DAB1: variants seen among roughly 807,000 people sequenced by gnomAD.
The protein encoded by DAB1 is disabled homolog 1.
Under a neutral mutation model 64.6 loss-of-function variants are expected in DAB1, and 15 were observed. The ratio of observed to expected loss-of-function variants is 0.23; its 90% CI spans 0.16 to 0.36. DAB1 has a LOEUF of 0.36. Among genes scored for constraint, DAB1 ranks in the 10% least tolerant of loss-of-function variants. DAB1 has a pLI of 1.00. For missense variants in DAB1, 596 were observed against 706.7 expected (o/e 0.84, Z 1.78); for synonymous variants, 235 against 251.9 (o/e 0.93, Z 0.64).
intron 4 of DAB1, among the ~76,000 whole-genome samples, chr1:58,202,847 T>C (rs1658074266): frequency 6.6e-6 from 1 of 152,210 alleles, no homozygotes; most frequent in Admixed American, 6.5e-5. Flanking sequence ...AGGTAGGTTA[T>C]GTCTCTGTGA....
At chr1:58,124,100 G>T (rs187983929) in intron 5 of DAB1, among the ~76,000 whole-genome samples, 4 of 151,992 alleles carry the variant, frequency 2.6e-5, no homozygotes, top group African/African-American at 9.7e-5. Flanking sequence ...GTATGTGTGC[G>T]TGCATGTTTA....
chr1:57,354,850 A>G (rs1678931709), intron 1 of DAB1, among the ~76,000 whole-genome samples: 1 of 152,138 alleles, frequency 6.6e-6, no homozygotes, highest in Admixed American at 6.5e-5. Context: ...AAGGACTGCA[A>G]GCTGTGATTA....
intron 4 of DAB1, among the ~76,000 whole-genome samples, chr1:57,129,968 A>G (rs1212876467): frequency 1.3e-5 from 2 of 151,896 alleles, no homozygotes; most frequent in Non-Finnish European, 2.9e-5. Flanking sequence ...ACCGATTAGC[A>G]TCTGTGTCAC....
intron 1 of DAB1, among the ~76,000 whole-genome samples, chr1:57,379,407 A>T (rs529874593): frequency 2.0e-5 from 3 of 152,212 alleles, no homozygotes; most frequent in Non-Finnish European, 4.4e-5. Flanking sequence ...CTAAAGCATG[A>T]ACCACCATAT....
intron 5 of DAB1, among the ~76,000 whole-genome samples, chr1:58,023,401 A>T (rs575158311): frequency 6.6e-6 from 1 of 152,280 alleles, no homozygotes; most frequent in South Asian, 2.1e-4. Flanking sequence ...GAAAGCTTTT[A>T]AAAAACTACT....
chr1:57,503,736 G>A (rs1644315360), intron 7 of DAB1, among the ~76,000 whole-genome samples: 1 of 152,164 alleles, frequency 6.6e-6, no homozygotes, highest in African/African-American at 2.4e-5. Flanking sequence ...AAACACTACT[G>A]TACACATTTT....
intron 4 of DAB1, among the ~76,000 whole-genome samples, chr1:58,269,138 A>G (rs1030454666): frequency 8.8e-5 from 13 of 147,506 alleles, no homozygotes; most frequent in Non-Finnish European, 4.5e-5. Flanking sequence ...AGCATTAGGT[A>G]TATCTCCCAA....
chr1:58,367,546 C>A (rs997051885), intron 3 of DAB1, among the ~76,000 whole-genome samples: 3 of 152,306 alleles, frequency 2.0e-5, no homozygotes, highest in Middle Eastern at 3.4e-3. Flanking sequence ...GAGACCAAAT[C>A]TGAGTGTTCA....
intron 7 of DAB1, among the ~76,000 whole-genome samples, chr1:57,450,589 C>A (rs1267647587): frequency 6.6e-6 from 1 of 152,172 alleles, no homozygotes; most frequent in Non-Finnish European, 1.5e-5. Flanking sequence ...TGCTCACAGG[C>A]TATACAAATG....
chr1:58,106,235 T>C (rs1651632707), intron 5 of DAB1, among the ~76,000 whole-genome samples: 1 of 151,762 alleles, frequency 6.6e-6, no homozygotes, highest in South Asian at 2.1e-4. Context: ...TGGAGTGCAG[T>C]GGTAGGATCA....
At chr1:57,554,247 A>G (rs1290587321) in intron 7 of DAB1, among the ~76,000 whole-genome samples, 1 of 152,232 alleles carries the variant, frequency 6.6e-6, no homozygotes, top group Non-Finnish European at 1.5e-5. Context: ...GGAGAAGTGC[A>G]ATGCAGTGTT....
chr1:57,665,373 T>C (rs1364062647), intron 6 of DAB1, among the ~76,000 whole-genome samples: 1 of 152,132 alleles, frequency 6.6e-6, no homozygotes, highest in African/African-American at 2.4e-5. Flanking sequence ...GAGATAAGTA[T>C]GCTTTTGCTA....
intron 5 of DAB1, among the ~76,000 whole-genome samples, chr1:57,982,385 A>G (rs1032309432): frequency 3.3e-5 from 5 of 152,224 alleles, no homozygotes; most frequent in Admixed American, 2.6e-4. Context: ...CATTAATAGT[A>G]TAATAGGACT....
At chr1:58,279,797 G>A (rs1661516059) in intron 4 of DAB1, among the ~76,000 whole-genome samples, 1 of 152,160 alleles carries the variant, frequency 6.6e-6, no homozygotes, top group South Asian at 2.1e-4. Context: ...TGTTGTCCCT[G>A]AAGTAACCCA....
intron 2 of DAB1, among the ~76,000 whole-genome samples, chr1:57,169,137 A>G (rs939976365): frequency 3.3e-5 from 5 of 152,234 alleles, no homozygotes; most frequent in Non-Finnish European, 5.9e-5. Context: ...CACAAATGTT[A>G]CACCATAGAA....
chr1:58,356,262 G>A (rs1419120117), intron 3 of DAB1, among the ~76,000 whole-genome samples: 3 of 152,122 alleles, frequency 2.0e-5, no homozygotes, highest in Non-Finnish European at 4.4e-5. Flanking sequence ...ATGTAAAATG[G>A]CAGTATTGAC....
intron 4 of DAB1, among the ~76,000 whole-genome samples, chr1:58,210,312 G>GA (rs1658492860): frequency 6.6e-6 from 1 of 152,152 alleles, no homozygotes; most frequent in African/African-American, 2.4e-5. Flanking sequence ...ACAGAAGCTG[G>GA]AATTGGTATA....
chr1:57,886,316 G>A (rs890986165), upstream of DAB1, among the ~76,000 whole-genome samples: 5 of 152,014 alleles, frequency 3.3e-5, no homozygotes, highest in African/African-American at 1.2e-4. Context: ...GTGCCAACAC[G>A]CCTGGCTAAT....
intron 7 of DAB1, among the ~76,000 whole-genome samples, chr1:57,620,336 T>G (rs1022486297): frequency 6.6e-6 from 1 of 152,126 alleles, no homozygotes; most frequent in Non-Finnish European, 1.5e-5. Context: ...GAAGATTCCT[T>G]TACTCAACCA....
Sources: allele counts gnomAD v4.1 joint callset (sites outside exome capture counted in the v4.1 genomes callset), GRCh38; gene constraint gnomAD v4.1.1; transcripts MANE v1.5; gene names NCBI Gene and HGNC (gene_info 2026-07-23, HGNC 2026-07-21).